Variants in CERS6 observed in about 807,000 individuals in gnomAD.
CERS6 encodes the protein ceramide synthase 6.
CERS6 carries 26 observed loss-of-function variants against 56.8 expected under a neutral mutation model. The observed-to-expected ratio is 0.46, with a 90% confidence interval of 0.34 to 0.63. CERS6 has a LOEUF of 0.63. Among genes scored for constraint, CERS6 ranks in the 30% least tolerant of loss-of-function variants. The probability of loss-of-function intolerance (pLI) is 0.01; values close to 1 mark genes in which losing one functional copy is unlikely to be tolerated. For missense variants in CERS6, 415 were observed against 467.5 expected (o/e 0.89, Z 1.04); for synonymous variants, 164 against 173.3 (o/e 0.95, Z 0.42).
At position 168,672,818 on chromosome 2, in the gene CERS6, C is replaced by CA. The variant is rs372563419; in HGVS notation, c.466-18210dup. Among the ~76,000 whole-genome samples the CA allele has an allele frequency of 4.1e-3, 620 of 152,224 alleles. 7 individuals are homozygous for CA. The highest frequency in any genetic ancestry group is 0.014 in the African/African-American group (594 of 41,550). ...TACTTGTATCTTGCAGCTCCTCCCC[C>CA]AAAAAATGATTACACAATTTTGGAA... On this transcript the variant is annotated intron_variant, in intron 4 of 9. Transcript: ENST00000305747.
intron 1 of CERS6, among the ~76,000 whole-genome samples, chr2:168,523,362 C>T (rs1311933093): frequency 6.6e-6 from 1 of 152,144 alleles, no homozygotes; most frequent in Non-Finnish European, 1.5e-5. Flanking sequence ...AACTTCTCTA[C>T]ACCTGCTAGG....
chr2:168,563,383 G>A (rs1695827049), intron 3 of CERS6, among the ~76,000 whole-genome samples: 1 of 152,244 alleles, frequency 6.6e-6, no homozygotes, highest in Non-Finnish European at 1.5e-5. Flanking sequence ...GAGGCACAAT[G>A]ATGGGGAAGA....
intron 1 of CERS6, among the ~76,000 whole-genome samples, chr2:168,516,630 G>A (rs1043205084): frequency 3.9e-5 from 6 of 152,186 alleles, no homozygotes; most frequent in African/African-American, 1.4e-4. Context: ...CTAGGTGTAA[G>A]TTTCTTGGCG....
chr2:168,763,507 C>G (rs1393985095), intron 8 of CERS6, among the ~76,000 whole-genome samples: 1 of 151,514 alleles, frequency 6.6e-6, no homozygotes, highest in Admixed American at 6.6e-5. Flanking sequence ...GGTGATCCAC[C>G]CATCTCAGCC....
chr2:168,620,062 C>CACACACACACACAT (rs1439012361), intron 3 of CERS6, among the ~76,000 whole-genome samples: 1 of 70,028 alleles, frequency 1.4e-5, no homozygotes, highest in African/African-American at 5.2e-5. Context: ...CACACACACA[C>CACACACACACACAT]ATATTTATAT....
intron 6 of CERS6, among the ~76,000 whole-genome samples, chr2:168,700,046 G>GC (rs1204186979): frequency 6.6e-6 from 1 of 152,244 alleles, no homozygotes; most frequent in Non-Finnish European, 1.5e-5. Context: ...AGCATCCCTG[G>GC]CAGAGTTCCA....
chr2:168,490,890 C>G (rs1229181580), intron 1 of CERS6, among the ~76,000 whole-genome samples: 1 of 152,156 alleles, frequency 6.6e-6, no homozygotes, highest in South Asian at 2.1e-4. Context: ...CAAAGAAGAT[C>G]CATATTTTGC....
intron 1 of CERS6, among the ~76,000 whole-genome samples, chr2:168,486,647 G>A (rs956828147): frequency 2.0e-5 from 3 of 151,926 alleles, no homozygotes; most frequent in African/African-American, 7.3e-5. Context: ...ATTTGTGTGG[G>A]TCTGTTTCTA....
At chr2:168,732,528 A>C (rs777671236) in intron 8 of CERS6, among the ~76,000 whole-genome samples, 9 of 152,212 alleles carry the variant, frequency 5.9e-5, no homozygotes, top group Non-Finnish European at 1.2e-4. Context: ...TCTGAATGCC[A>C]AAGTAATACT....
At chr2:168,682,863 G>T (rs1028038215) in intron 4 of CERS6, among the ~76,000 whole-genome samples, 2 of 152,152 alleles carry the variant, frequency 1.3e-5, no homozygotes, top group Admixed American at 6.6e-5. Flanking sequence ...CTCCAAAGCA[G>T]CTTACATCCG....
chr2:168,667,419 T>C (rs918252454), intron 4 of CERS6, among the ~76,000 whole-genome samples: 3 of 152,194 alleles, frequency 2.0e-5, no homozygotes, highest in African/African-American at 4.8e-5. Context: ...CCTTCTTCCA[T>C]GTCACACTCT....
At chr2:168,522,263 T>C (rs189294813) in intron 1 of CERS6, among the ~76,000 whole-genome samples, 2 of 152,344 alleles carry the variant, frequency 1.3e-5, no homozygotes, top group Non-Finnish European at 2.9e-5. Context: ...TGGATGCAGG[T>C]AGAGAACTGA....
At chr2:168,567,969 A>C (rs1373562543) in intron 3 of CERS6, among the ~76,000 whole-genome samples, 1 of 152,192 alleles carries the variant, frequency 6.6e-6, no homozygotes, top group Admixed American at 6.5e-5. Flanking sequence ...AAGCCTTTGA[A>C]ACCTTGTCCC....
chr2:168,510,468 G>C (rs372423084), intron 1 of CERS6, among the ~76,000 whole-genome samples: 2 of 152,204 alleles, frequency 1.3e-5, no homozygotes, highest in East Asian at 3.8e-4. Flanking sequence ...TGTCCTAGGA[G>C]TAATAGGGCA....
chr2:168,592,620 C>T (rs961299554), intron 3 of CERS6, among the ~76,000 whole-genome samples: 1 of 152,096 alleles, frequency 6.6e-6, no homozygotes. Flanking sequence ...GGAGCAATTT[C>T]AGGAACAGTG....
intron 5 of CERS6, among the ~76,000 whole-genome samples, chr2:168,692,293 G>A (rs1384022376): frequency 1.3e-5 from 2 of 152,186 alleles, no homozygotes; most frequent in Admixed American, 6.5e-5. Context: ...AAGGCTCCTT[G>A]TGTCCTGTAA....
At chr2:168,645,720 CTG>C (rs1201202700) in intron 4 of CERS6, among the ~76,000 whole-genome samples, 1 of 152,166 alleles carries the variant, frequency 6.6e-6, no homozygotes, top group Admixed American at 6.5e-5. Context: ...GCCCCACTGT[CTG>C]TTGTTTCCTT....
chr2:168,496,373 T>C (rs930010712), intron 1 of CERS6, among the ~76,000 whole-genome samples: 1 of 151,668 alleles, frequency 6.6e-6, no homozygotes, highest in Non-Finnish European at 1.5e-5. Flanking sequence ...GGTAACATAT[T>C]GTATGTAAAA....
At chr2:168,484,479 G>A (rs979424091) in intron 1 of CERS6, among the ~76,000 whole-genome samples, 3 of 148,416 alleles carry the variant, frequency 2.0e-5, no homozygotes, top group African/African-American at 7.3e-5. Context: ...ACTGTGCTTC[G>A]CTTTGTTTTT....
Sources: allele counts gnomAD v4.1 joint callset (sites outside exome capture counted in the v4.1 genomes callset), GRCh38; gene constraint gnomAD v4.1.1; transcripts MANE v1.5; gene names NCBI Gene and HGNC (gene_info 2026-07-23, HGNC 2026-07-21).